Variants in NRG3 observed in about 807,000 individuals in gnomAD.
NRG3 encodes the protein pro-neuregulin-3, membrane-bound isoform.
A neutral mutation model predicts 66.9 loss-of-function variants in NRG3; 31 were observed. The observed-to-expected ratio is 0.46, with a 90% CI of 0.35 to 0.63. The LOEUF (loss-of-function observed/expected upper bound fraction) is 0.63. Among genes scored for constraint, NRG3 ranks in the 20% least tolerant of loss-of-function variants. The pLI is 0.00. For missense variants in NRG3, 910 were observed against 878.9 expected (o/e 1.04, Z -0.45); for synonymous variants, 393 against 359.4 (o/e 1.09, Z -1.06).
chr10:82,363,651 G>A (rs926071324), intron 2 of NRG3, among the ~76,000 whole-genome samples: 2 of 151,978 alleles, frequency 1.3e-5, no homozygotes, highest in African/African-American at 4.8e-5. Context: ...TAGAGACGGG[G>A]TTTCACTGTG....
intron 2 of NRG3, among the ~76,000 whole-genome samples, chr10:82,714,746 GTA>G: frequency 6.6e-6 from 1 of 152,268 alleles, no homozygotes; most frequent in South Asian, 2.1e-4. Flanking sequence ...AATTAGCAAT[GTA>G]TATAGTTCTC....
intron 1 of NRG3, among the ~76,000 whole-genome samples, chr10:82,308,900 A>G (rs1009684108): frequency 2.0e-5 from 3 of 152,132 alleles, no homozygotes; most frequent in Admixed American, 6.5e-5. Context: ...TGGGTTCTCT[A>G]CTAAGGAGCC....
At chr10:82,883,790 G>T (rs1591823737) in intron 4 of NRG3, among the ~76,000 whole-genome samples, 1 of 152,014 alleles carries the variant, frequency 6.6e-6, no homozygotes, top group Non-Finnish European at 1.5e-5. Flanking sequence ...ATGGTATTTT[G>T]AAACTTAGTT....
chr10:82,438,297 G>A (rs1274411748), intron 2 of NRG3, among the ~76,000 whole-genome samples: 1 of 152,238 alleles, frequency 6.6e-6, no homozygotes, highest in African/African-American at 2.4e-5. Flanking sequence ...GGAAGGATGG[G>A]TCAGGGTTAG....
intron 1 of NRG3, among the ~76,000 whole-genome samples, chr10:82,299,370 G>C (rs552037556): frequency 7.2e-5 from 11 of 152,246 alleles, no homozygotes; most frequent in Non-Finnish European, 1.6e-4. Flanking sequence ...AGTACAGAAA[G>C]GTTAAGTAAC....
At chr10:82,194,161 C>T (rs2074324142) in intron 1 of NRG3, among the ~76,000 whole-genome samples, 1 of 152,088 alleles carries the variant, frequency 6.6e-6, no homozygotes, top group South Asian at 2.1e-4. Context: ...GAGGCTGCCA[C>T]TGACCTTGTC....
At chr10:81,921,054 G>T (rs1054299718) in intron 1 of NRG3, among the ~76,000 whole-genome samples, 1 of 152,024 alleles carries the variant, frequency 6.6e-6, no homozygotes, top group Admixed American at 6.6e-5. Context: ...GTATGTATTT[G>T]CAAATTGATT....
chr10:82,384,745 T>C (rs1456421745), intron 2 of NRG3, among the ~76,000 whole-genome samples: 3 of 152,206 alleles, frequency 2.0e-5, no homozygotes, highest in Non-Finnish European at 2.9e-5. Context: ...AAAATACACA[T>C]GCTTGTGTCT....
intron 6 of NRG3, among the ~76,000 whole-genome samples, chr10:82,967,510 C>T (rs1292409700): frequency 1.3e-5 from 2 of 152,170 alleles, no homozygotes; most frequent in African/African-American, 4.8e-5. Context: ...TACCTTTGCA[C>T]TGTTCAACTT....
chr10:82,765,704 G>A (rs2059488080), intron 3 of NRG3, among the ~76,000 whole-genome samples: 1 of 152,066 alleles, frequency 6.6e-6, no homozygotes, highest in African/African-American at 2.4e-5. Context: ...AATTATTGTT[G>A]GAGGAATGTG....
intron 1 of NRG3, among the ~76,000 whole-genome samples, chr10:81,940,352 CT>C (rs1174143455): frequency 6.6e-6 from 1 of 151,730 alleles, no homozygotes; most frequent in African/African-American, 2.4e-5. Context: ...AATGAGTTGT[CT>C]TTTTTGTTTT....
intron 3 of NRG3, among the ~76,000 whole-genome samples, chr10:82,847,839 G>A (rs148604359): frequency 2.0e-3 from 312 of 152,238 alleles, no homozygotes; most frequent in African/African-American, 7.2e-3. Flanking sequence ...CACAGAATTC[G>A]ACAAGATTTT....
intron 1 of NRG3, among the ~76,000 whole-genome samples, chr10:82,027,933 GC>G (rs1274435593): frequency 6.6e-6 from 1 of 152,096 alleles, no homozygotes; most frequent in Non-Finnish European, 1.5e-5. Context: ...TCCGGGTTGT[GC>G]AAGCAATGCA....
intron 1 of NRG3, among the ~76,000 whole-genome samples, chr10:82,167,539 A>G (rs1649955): frequency 0.69 from 104,469 of 151,916 alleles, 38,116 homozygotes; most frequent in Non-Finnish European, 0.8. Flanking sequence ...TAAAATATGT[A>G]TAAGCTTCAT....
intron 2 of NRG3, among the ~76,000 whole-genome samples, chr10:82,440,842 C>T (rs557494552): frequency 6.6e-6 from 1 of 152,248 alleles, no homozygotes; most frequent in Admixed American, 6.5e-5. Flanking sequence ...AATTATTATG[C>T]TTTGGTTGCA....
chr10:82,566,195 C>T (rs1427947076), intron 2 of NRG3, among the ~76,000 whole-genome samples: 2 of 151,878 alleles, frequency 1.3e-5, no homozygotes, highest in Admixed American at 6.6e-5. Flanking sequence ...AGATAACAAC[C>T]GTTTTTCCTT....
At chr10:82,773,740 G>A (rs2059798911) in intron 3 of NRG3, among the ~76,000 whole-genome samples, 1 of 152,044 alleles carries the variant, frequency 6.6e-6, no homozygotes, top group Non-Finnish European at 1.5e-5. Context: ...CCAGTACTAT[G>A]TTGAATAGAA....
At chr10:82,092,681 G>A (rs2066098032) in intron 1 of NRG3, among the ~76,000 whole-genome samples, 1 of 152,202 alleles carries the variant, frequency 6.6e-6, no homozygotes, top group Admixed American at 6.5e-5. Context: ...AAGGACATTT[G>A]TAGAGCAAAT....
intron 1 of NRG3, among the ~76,000 whole-genome samples, chr10:82,198,426 A>C (rs1392690940): frequency 6.6e-6 from 1 of 152,166 alleles, no homozygotes; most frequent in Non-Finnish European, 1.5e-5. Context: ...AAAGAAGATA[A>C]ATTCTTTACA....
Sources: gnomAD v4.1 joint callset for allele counts (sites outside exome capture counted in the v4.1 genomes callset) on GRCh38, gnomAD v4.1.1 for gene constraint, MANE v1.5 for transcripts, NCBI Gene and HGNC (gene_info 2026-07-23, HGNC 2026-07-21) for gene names.